Variants in ASIC2 observed in about 807,000 individuals in gnomAD.
ASIC2 encodes acid-sensing ion channel 2.
A neutral mutation model predicts 57.3 loss-of-function variants in ASIC2; 25 were observed. That is an observed-to-expected ratio of 0.44 (90% CI 0.32 to 0.61). The LOEUF (loss-of-function observed/expected upper bound fraction) is 0.61, where lower values mean the gene tolerates loss of function less well. ASIC2 is among the 20% of genes least tolerant of loss of function. The pLI, the probability that ASIC2 is intolerant of heterozygous loss-of-function variation, is 0.06. For missense variants in ASIC2, 641 were observed against 738.1 expected, an observed-to-expected ratio of 0.87 and a Z score of 1.52; for synonymous variants, 319 against 307.5, an observed-to-expected ratio of 1.04 and a Z score of -0.39.
intron 1 of ASIC2, among the ~76,000 whole-genome samples, chr17:33,838,352 T>G (rs1160573979): frequency 6.6e-6 from 1 of 152,176 alleles, no homozygotes; most frequent in Non-Finnish European, 1.5e-5. Context: ...TTGGTCCTGC[T>G]TGAGTGAATG....
intron 1 of ASIC2, among the ~76,000 whole-genome samples, chr17:33,911,725 T>C (rs562260635): frequency 2.2e-4 from 34 of 152,340 alleles, no homozygotes. Context: ...GTGTGTGCAA[T>C]GAAATCATTA....
At chr17:33,639,557 G>A (rs1354861971) in intron 1 of ASIC2, among the ~76,000 whole-genome samples, 1 of 152,112 alleles carries the variant, frequency 6.6e-6, no homozygotes, top group Admixed American at 6.5e-5. Flanking sequence ...AAGAGGAACT[G>A]CCCCGAGGAG....
At chr17:33,583,070 C>A (rs1420708034) in intron 1 of ASIC2, among the ~76,000 whole-genome samples, 1 of 152,172 alleles carries the variant, frequency 6.6e-6, no homozygotes, top group Non-Finnish European at 1.5e-5. Flanking sequence ...TACAAAGGCT[C>A]ATTGAAAAGG....
At chr17:33,479,971 C>G (rs1312725831) in intron 1 of ASIC2, among the ~76,000 whole-genome samples, 1 of 152,198 alleles carries the variant, frequency 6.6e-6, no homozygotes, top group African/African-American at 2.4e-5. Context: ...TGAGGCCCCT[C>G]CTTCCCATGG....
chr17:33,747,807 T>A (rs1910312982), intron 1 of ASIC2, among the ~76,000 whole-genome samples: 1 of 152,072 alleles, frequency 6.6e-6, no homozygotes, highest in Non-Finnish European at 1.5e-5. Flanking sequence ...GTCTGCAGGG[T>A]CCTCAGGACA....
intron 1 of ASIC2, among the ~76,000 whole-genome samples, chr17:34,136,752 G>A (rs142251813): frequency 6.6e-6 from 1 of 152,180 alleles, no homozygotes; most frequent in Non-Finnish European, 1.5e-5. Context: ...GTCATGAGCC[G>A]TGGCCACTCA....
intron 1 of ASIC2, among the ~76,000 whole-genome samples, chr17:33,355,674 TA>T (rs1031096110): frequency 6.6e-6 from 1 of 152,238 alleles, no homozygotes; most frequent in African/African-American, 2.4e-5. Context: ...AGAAGTTTCA[TA>T]AATGTTTGCT....
chr17:33,023,241 AC>A (rs1202795649), intron 6 of ASIC2, among the ~76,000 whole-genome samples: 1 of 152,192 alleles, frequency 6.6e-6, no homozygotes, highest in East Asian at 1.9e-4. Flanking sequence ...TAATCCCAGC[AC>A]TTTAGGAGGC....
Position 33,665,322 on chromosome 17 carries a change from G to A in ASIC2, c.555+490656C>T, listed in dbSNP as rs369605388. Reference sequence around the variant, plus strand: ...TACTCAAAAGTATGTACTGATGGGGGTGTCGAATTCCAATTCTGTAGACAA... The same window carrying A: ...TACTCAAAAGTATGTACTGATGGGGATGTCGAATTCCAATTCTGTAGACAA... On this transcript the variant is annotated intron_variant, in intron 1 of 9. Coordinates refer to the ASIC2 transcript ENST00000359872. Among the ~76,000 whole-genome samples the A allele has an allele frequency of 5.3e-5, 8 of 152,234 alleles. No homozygotes were observed. In the East Asian group the frequency reaches 1.5e-3, roughly 29 times the overall value.
chr17:33,087,725 A>AT (rs112766148), intron 3 of ASIC2, among the ~76,000 whole-genome samples: 17,314 of 140,962 alleles, frequency 0.12, 1,101 homozygotes, highest in African/African-American at 0.16. Context: ...ACCATGCCTA[A>AT]TTTTTTTTTT....
intron 1 of ASIC2, among the ~76,000 whole-genome samples, chr17:34,103,445 T>C (rs1338318787): frequency 6.6e-6 from 1 of 152,232 alleles, no homozygotes; most frequent in African/African-American, 2.4e-5. Context: ...TGAGCCACCA[T>C]GCCTGGCTTG....
At chr17:33,613,581 A>G (rs1331469733) in intron 1 of ASIC2, among the ~76,000 whole-genome samples, 1 of 151,868 alleles carries the variant, frequency 6.6e-6, no homozygotes, top group Non-Finnish European at 1.5e-5. Flanking sequence ...GTTAGCCAGG[A>G]TGATCTCGAT....
chr17:33,388,004 C>G (rs566546572), intron 1 of ASIC2, among the ~76,000 whole-genome samples: 1 of 151,950 alleles, frequency 6.6e-6, no homozygotes, highest in African/African-American at 2.4e-5. Context: ...TGCTTGAACC[C>G]GGGAGGCAGA....
At chr17:33,214,338 T>C (rs1375487151) in intron 1 of ASIC2, among the ~76,000 whole-genome samples, 2 of 152,156 alleles carry the variant, frequency 1.3e-5, no homozygotes, top group Admixed American at 1.3e-4. Flanking sequence ...AACACTGGGC[T>C]GATGGCCTGA....
chr17:33,624,403 C>T (rs182641380), intron 1 of ASIC2, among the ~76,000 whole-genome samples: 13 of 152,292 alleles, frequency 8.5e-5, no homozygotes, highest in African/African-American at 3.1e-4. Flanking sequence ...AGGATGGATA[C>T]ACAGACTGAA....
chr17:33,481,952 C>T (rs1250850860), intron 1 of ASIC2, among the ~76,000 whole-genome samples: 1 of 152,220 alleles, frequency 6.6e-6, no homozygotes, highest in African/African-American at 2.4e-5. Flanking sequence ...ATGCCGATAG[C>T]ACCTGTCCTC....
At chr17:33,331,515 T>C (rs979668707) in intron 1 of ASIC2, among the ~76,000 whole-genome samples, 1 of 152,224 alleles carries the variant, frequency 6.6e-6, no homozygotes, top group South Asian at 2.1e-4. Context: ...CTCAGTTTCT[T>C]CTGAATAATT....
At chr17:34,074,178 C>G (rs563731632) in intron 1 of ASIC2, among the ~76,000 whole-genome samples, 1 of 152,232 alleles carries the variant, frequency 6.6e-6, no homozygotes, top group Non-Finnish European at 1.5e-5. Flanking sequence ...AACCAGCAAC[C>G]TATATTTTAA....
At chr17:33,374,387 C>A (rs1909200180) in intron 1 of ASIC2, among the ~76,000 whole-genome samples, 1 of 152,114 alleles carries the variant, frequency 6.6e-6, no homozygotes, top group African/African-American at 2.4e-5. Flanking sequence ...TCCCGTGGCA[C>A]CCCCAAGAGG....
Sources: allele counts gnomAD v4.1 joint callset (sites outside exome capture counted in the v4.1 genomes callset), GRCh38; gene constraint gnomAD v4.1.1; transcripts MANE v1.5; gene names NCBI Gene and HGNC (gene_info 2026-07-23, HGNC 2026-07-21).